The following KLHL32 variants were observed in gnomAD, a reference collection of about 807,000 sequenced individuals.
KLHL32 encodes the protein kelch like family member 32.
In KLHL32, 35 loss-of-function variants were observed where a neutral mutation model predicts 64.8. The observed-to-expected ratio is 0.54, with a 90% confidence interval of 0.41 to 0.72. KLHL32 has a LOEUF of 0.72. Ranked by LOEUF, KLHL32 falls within the 30% of genes least tolerant of loss-of-function variation. The probability of loss-of-function intolerance (pLI) is 0.00; values close to 1 mark genes in which losing one functional copy is unlikely to be tolerated. For synonymous variants in KLHL32, 259 were observed against 281.0 expected, an observed-to-expected ratio of 0.92 and a Z score of 0.78; for missense variants, 589 against 768.5, an observed-to-expected ratio of 0.77 and a Z score of 2.76.
chr6:97,121,150 C>A (rs1435656238), intron 7 of KLHL32, among the ~76,000 whole-genome samples: 1 of 152,150 alleles, frequency 6.6e-6, no homozygotes, highest in Non-Finnish European at 1.5e-5. Context: ...GGAAATGAGG[C>A]TTGAAGAGGT....
chr6:97,123,750 G>A (rs969868138), intron 7 of KLHL32, among the ~76,000 whole-genome samples: 3 of 152,154 alleles, frequency 2.0e-5, no homozygotes, highest in African/African-American at 4.8e-5. Flanking sequence ...CTCGATAGAG[G>A]AAGGCATGGA....
intron 3 of KLHL32, among the ~76,000 whole-genome samples, chr6:96,976,572 GAT>G (rs539256924): frequency 2.6e-5 from 4 of 151,534 alleles, no homozygotes; most frequent in Non-Finnish European, 4.4e-5. Context: ...TATTGTTTCG[GAT>G]ATATATATAT....
At chr6:96,919,362 GA>G in the KLHL32 span, among the ~76,000 whole-genome samples, 1 of 152,194 alleles carries the variant, frequency 6.6e-6, no homozygotes, top group African/African-American at 2.4e-5. Flanking sequence ...TGATTAAAGA[GA>G]ACGGGAAAGG....
chr6:96,915,652 GT>G, the KLHL32 span, among the ~76,000 whole-genome samples: 8 of 70,622 alleles, frequency 1.1e-4, no homozygotes, highest in Non-Finnish European at 2.4e-4. Flanking sequence ...TATCCATGGA[GT>G]AAAAAAAAAA....
intron 3 of KLHL32, among the ~76,000 whole-genome samples, chr6:96,985,743 C>G (rs1776951262): frequency 8.7e-6 from 1 of 114,444 alleles, no homozygotes; most frequent in African/African-American, 3.8e-5. Flanking sequence ...AAGGACTTCT[C>G]TAGAATTGGT....
At chr6:97,054,471 G>A (rs1787475225) in intron 4 of KLHL32, among the ~76,000 whole-genome samples, 1 of 151,920 alleles carries the variant, frequency 6.6e-6, no homozygotes, top group South Asian at 2.1e-4. Flanking sequence ...GATTGGAAAT[G>A]CCAGATCAAC....
chr6:96,908,218 T>A, the KLHL32 span, among the ~76,000 whole-genome samples: 1 of 152,168 alleles, frequency 6.6e-6, no homozygotes, highest in Non-Finnish European at 1.5e-5. Context: ...GGAGGAAATT[T>A]CAAGATAAGT....
intron 3 of KLHL32, among the ~76,000 whole-genome samples, chr6:97,018,477 C>G (rs980819095): frequency 6.7e-6 from 1 of 150,370 alleles, no homozygotes; most frequent in Non-Finnish European, 1.5e-5. Flanking sequence ...CCTGTGATCC[C>G]AGCTGCTCAG....
chr6:97,036,269 A>G (rs1031716803), intron 3 of KLHL32, among the ~76,000 whole-genome samples: 7 of 151,960 alleles, frequency 4.6e-5, no homozygotes, highest in Admixed American at 6.6e-5. Flanking sequence ...CCTTTTGTTT[A>G]TGTATTACTT....
At chr6:97,094,300 A>G (rs1291765804) in intron 6 of KLHL32, among the ~76,000 whole-genome samples, 3 of 152,160 alleles carry the variant, frequency 2.0e-5, no homozygotes, top group Non-Finnish European at 4.4e-5. Flanking sequence ...AGTGACCCAG[A>G]GGCTCTAGAA....
intron 5 of KLHL32, among the ~76,000 whole-genome samples, chr6:97,068,772 A>G (rs1334866152): frequency 2.0e-5 from 3 of 152,104 alleles, no homozygotes; most frequent in African/African-American, 7.2e-5. Context: ...TTTATATATC[A>G]CTCATTAGGT....
chr6:96,924,097 C>T (rs889653296), upstream of KLHL32, among the ~76,000 whole-genome samples: 1 of 152,160 alleles, frequency 6.6e-6, no homozygotes, highest in Non-Finnish European at 1.5e-5. Flanking sequence ...GGGTTGGTTC[C>T]CCTGACGTTT....
At chr6:97,105,859 G>A (rs1796344187) in intron 6 of KLHL32, among the ~76,000 whole-genome samples, 1 of 152,190 alleles carries the variant, frequency 6.6e-6, no homozygotes, top group South Asian at 2.1e-4. Flanking sequence ...TCTGATGAGA[G>A]CCTGCTTTTT....
intron 1 of KLHL32, among the ~76,000 whole-genome samples, chr6:96,941,100 G>A (rs77764422): frequency 8.1e-4 from 123 of 152,212 alleles, no homozygotes; most frequent in African/African-American, 2.8e-3. Flanking sequence ...TTCTTCCTTT[G>A]TACTTTTGTA....
chr6:97,093,158 C>T (rs1794505924), intron 6 of KLHL32, among the ~76,000 whole-genome samples: 1 of 92,880 alleles, frequency 1.1e-5, no homozygotes, highest in Non-Finnish European at 2.3e-5. Context: ...AGTAATATTG[C>T]TGCTAACCTG....
At chr6:97,066,652 T>C (rs552569849) in intron 5 of KLHL32, among the ~76,000 whole-genome samples, 112 of 152,348 alleles carry the variant, frequency 7.4e-4, no homozygotes, top group African/African-American at 2.5e-3. Flanking sequence ...TTTGACTATA[T>C]GAGTATCAAA....
intron 1 of KLHL32, among the ~76,000 whole-genome samples, chr6:96,946,538 T>G (rs1771939616): frequency 6.6e-6 from 1 of 152,198 alleles, no homozygotes; most frequent in Non-Finnish European, 1.5e-5. Context: ...ATCTGTCACT[T>G]CACTGCTATG....
chr6:97,088,521 A>C (rs1793764289), intron 6 of KLHL32, among the ~76,000 whole-genome samples: 1 of 152,182 alleles, frequency 6.6e-6, no homozygotes, highest in Non-Finnish European at 1.5e-5. Context: ...GGGTCTTACC[A>C]TAGGAGCTGG....
chr6:96,909,717 C>T, the KLHL32 span, among the ~76,000 whole-genome samples: 1 of 152,218 alleles, frequency 6.6e-6, no homozygotes, highest in Admixed American at 6.5e-5. Flanking sequence ...TCCAGTCCAA[C>T]ATTTGAGAGC....
Sources: allele counts gnomAD v4.1 joint callset (sites outside exome capture counted in the v4.1 genomes callset), GRCh38; gene constraint gnomAD v4.1.1; transcripts MANE v1.5; gene names NCBI Gene and HGNC (gene_info 2026-07-23, HGNC 2026-07-21).